The following UBA3 variants were observed in gnomAD, a reference collection of about 807,000 sequenced individuals.
The protein encoded by UBA3 is NEDD8-activating enzyme E1 catalytic subunit.
UBA3 carries 26 observed loss-of-function variants against 73.5 expected under a neutral mutation model. The ratio of observed to expected loss-of-function variants is 0.35; its 90% CI spans 0.26 to 0.49. The LOEUF (loss-of-function observed/expected upper bound fraction) is 0.49. Ranked by LOEUF, UBA3 falls within the 20% of genes least tolerant of loss-of-function variation. UBA3 has a pLI of 0.98. For missense variants in UBA3, 495 were observed against 555.6 expected (o/e 0.89, Z 1.10); for synonymous variants, 217 against 191.2 (o/e 1.13, Z -1.11).
At chr3:69,055,819 A>C in intron 17 of UBA3, 32 bp downstream of exon 17, 1 of 1,580,920 alleles carries the variant, frequency 6.3e-7, no homozygotes, top group Non-Finnish European at 8.6e-7. Flanking sequence ...AAAAGAAAGA[A>C]AATGATTAGT....
At chr3:69,067,605 T>C (rs2092084510) in intron 6 of UBA3, among the ~76,000 whole-genome samples, 1 of 152,288 alleles carries the variant, frequency 6.6e-6, no homozygotes, top group Non-Finnish European at 1.5e-5. Context: ...ATTAATTGGA[T>C]CCAGCCTAGG....
intron 11 of UBA3, among the ~76,000 whole-genome samples, chr3:69,057,924 C>CTTTTTTTTTT (rs368333207): frequency 1.4e-4 from 16 of 115,470 alleles, no homozygotes; most frequent in African/African-American, 3.7e-4. Context: ...CCACATTTTT[C>CTTTTTTTTTT]TTTTTTTTTT....
chr3:69,063,506 A>AG lies in UBA3; in HGVS notation c.473-4_473-3insC. On this transcript the variant is annotated splice_region_variant and splice_polypyrimidine_tract_variant and intron_variant, in intron 7 of 17. Coordinates refer to ENST00000361055, the MANE Select transcript of UBA3 (RefSeq NM_003968.4). ...TCCACATACAATAATATGAAATTCTACAAAAAAAAAAAAAAGCAACTTTAG... is the reference window on the plus strand; with the variant it reads ...TCCACATACAATAATATGAAATTCTAGCAAAAAAAAAAAAAAGCAACTTTAG... 6.6e-7 allele frequency: 1 copy of AG among 1,517,554 alleles called. No homozygotes were observed. The highest frequency in any genetic ancestry group is 1.3e-5 in the South Asian group (1 of 75,036). The allele number at this position is 1,517,554 out of a possible 1,614,324, so 94.0% of individuals were successfully genotyped here.
At chr3:69,078,701 G>A (rs2107503429) in intron 2 of UBA3, among the ~76,000 whole-genome samples, 1 of 152,232 alleles carries the variant, frequency 6.6e-6, no homozygotes, top group South Asian at 2.1e-4. Flanking sequence ...TGAAACTCCT[G>A]AGCTCAAGTA....
intron 5 of UBA3, among the ~76,000 whole-genome samples, 164 bp from the exon 6 acceptor site, chr3:69,068,172 C>T (rs2092089756): frequency 6.6e-6 from 1 of 152,142 alleles, no homozygotes; most frequent in Non-Finnish European, 1.5e-5. Flanking sequence ...TTTTGGTAAA[C>T]GGTCATTTAA....
chr3:69,063,006 G>A lies in UBA3; in HGVS notation c.669C>T (p.Cys223=), dbSNP rs910799401. The A allele has an allele frequency of 6.2e-7, 1 of 1,613,996 alleles. No individual in the cohort carries two copies. Among genetic ancestry groups the A allele is most frequent in the Non-Finnish European group, 8.5e-7 (1 of 1,179,960 alleles). ...ILPGMTACIE[C]TLELYPPQVN... ...CCTGTGGTGGATAAAGTTCCAGCGT[G>A]CATTCGATACAAGCAGTCATTCCAG... is the stretch of plus-strand genomic sequence containing the variant. Residue 223 remains cysteine (C), a synonymous_variant, in exon 9 of 18, where the codon TGC becomes TGT. Coordinates refer to ENST00000361055, the MANE Select transcript of UBA3 (RefSeq NM_003968.4).
intron 4 of UBA3, among the ~76,000 whole-genome samples, chr3:69,073,177 T>C (rs1472048432): frequency 6.6e-6 from 1 of 152,142 alleles, no homozygotes; most frequent in Non-Finnish European, 1.5e-5. Flanking sequence ...TGACTCAGAG[T>C]AAAAGCGACA....
At chr3:69,056,856 A>G in intron 12 of UBA3, 41 bp from the exon 13 acceptor site, 1 of 1,587,800 alleles carries the variant, frequency 6.3e-7, no homozygotes, top group South Asian at 1.2e-5. Context: ...ACTCAATGGA[A>G]ATTAGGCATG....
chr3:69,079,574 GATAA>G (rs2092200110), intron 2 of UBA3, among the ~76,000 whole-genome samples: 1 of 152,110 alleles, frequency 6.6e-6, no homozygotes, highest in Admixed American at 6.5e-5. Flanking sequence ...TAGTAAAAGG[GATAA>G]ATAGGCTGTT....
intron 11 of UBA3, among the ~76,000 whole-genome samples, chr3:69,057,941 T>TA (rs1553682421): frequency 1.5e-3 from 224 of 149,610 alleles, no homozygotes; most frequent in African/African-American, 5.3e-3. Context: ...TTTTTTTTTT[T>TA]TTGAGACAGA....
intron 11 of UBA3, among the ~76,000 whole-genome samples, chr3:69,059,903 T>C (rs1364744813): frequency 6.6e-6 from 1 of 152,150 alleles, no homozygotes; most frequent in Non-Finnish European, 1.5e-5. Flanking sequence ...GTAGCCTCAT[T>C]TGGCTACTAT....
chr3:69,063,061 C>T lies in UBA3; in HGVS notation c.614G>A (p.Gly205Asp), dbSNP rs749094335. 1 of 1,614,080 alleles carries T rather than the reference C, an allele frequency of 6.2e-7. No individual in the cohort carries two copies. Among genetic ancestry groups the T allele is most frequent in the Admixed American group, 1.7e-5 (1 of 60,012 alleles). Residue 205 changes from glycine (G) to aspartate (D), a missense_variant, in exon 9 of 18, where the codon GGT becomes GAT. By Grantham distance (94) the Gly-to-Asp change is moderately conservative. Transcript: ENST00000361055. Reference sequence around the variant, plus strand: ...AATCACCCGGGCATTTCCTTTAAAACCTTCTGTCCCCCCATCTATCAAAGG... The same window carrying T: ...AATCACCCGGGCATTTCCTTTAAAATCTTCTGTCCCCCCATCTATCAAAGG... ...IVPLIDGGTEGFKGNARVILP... is the reference protein window; with the variant it reads ...IVPLIDGGTEDFKGNARVILP...
In UBA3 at chr3:69,067,603, G is replaced by T. The variant is rs559325948; in HGVS notation, c.428+325C>A. Among the ~76,000 whole-genome samples, 11 of 152,196 alleles carry T rather than the reference G, an allele frequency of 7.2e-5. No homozygotes were observed. The South Asian group carries it at 2.3e-3, about 32-fold the overall frequency. On this transcript the variant is annotated intron_variant, in intron 6 of 17. Transcript: ENST00000361055. The stretch of plus-strand genomic sequence containing the variant: ...ACTATAAAGAAACAAAGATTAATTG[G>T]ATCCAGCCTAGGAATTTACACTCTA...
At chr3:69,073,095 T>G (rs1209919453) in intron 4 of UBA3, among the ~76,000 whole-genome samples, 1 of 152,214 alleles carries the variant, frequency 6.6e-6, no homozygotes, top group Non-Finnish European at 1.5e-5. Flanking sequence ...CTATTCTCAA[T>G]GCATCAGCCT....
intron 7 of UBA3, 34 bp downstream of exon 7, chr3:69,064,034 T>A (rs60502579): frequency 0.022 from 34,259 of 1,567,312 alleles, 401 homozygotes; most frequent in Non-Finnish European, 0.023. Flanking sequence ...ATTCTAAGAA[T>A]CTAGTGAGCA....
rs115935888 is a variant in UBA3 at position 69,069,776 on chromosome 3, C to T, written c.347+1759G>A. Among the ~76,000 whole-genome samples, 370 of 152,322 alleles carry T rather than the reference C, an allele frequency of 2.4e-3. 1 individual carries two copies. Among genetic ancestry groups the T allele is most frequent in the African/African-American group, 8.4e-3 (349 of 41,574 alleles). On this transcript the variant is annotated intron_variant, in intron 5 of 17. Coordinates refer to ENST00000361055, the MANE Select transcript of UBA3 (RefSeq NM_003968.4). Reference sequence around the variant, plus strand: ...CAGTATTGCATTCAATGGCTCCACACACAGAAAGCTCTTTTGGTTTGTAAA... The same window carrying T: ...CAGTATTGCATTCAATGGCTCCACATACAGAAAGCTCTTTTGGTTTGTAAA...
At chr3:69,072,318 A>G (rs1191471776) in intron 4 of UBA3, among the ~76,000 whole-genome samples, 8 of 152,236 alleles carry the variant, frequency 5.3e-5, no homozygotes, top group Non-Finnish European at 1.5e-5. Flanking sequence ...CGATGATCAA[A>G]TAACTTGACA....
chr3:69,056,545 T>C, intron 14 of UBA3, 67 bp downstream of exon 14: 1 of 1,391,316 alleles, frequency 7.2e-7, no homozygotes, highest in Non-Finnish European at 1.0e-6. Flanking sequence ...TTTGTTCAAA[T>C]TTCTAACCAA....
At chr3:69,065,318 TTCGC>T (rs2092060419) in intron 6 of UBA3, among the ~76,000 whole-genome samples, 1 of 151,842 alleles carries the variant, frequency 6.6e-6, no homozygotes, top group Non-Finnish European at 1.5e-5. Context: ...ATAATATAGA[TTCGC>T]AGTAAGTTGC....
Sources: gnomAD v4.1 joint callset for allele counts (sites outside exome capture counted in the v4.1 genomes callset) on GRCh38, gnomAD v4.1.1 for gene constraint, MANE v1.5 for transcripts, NCBI Gene and HGNC (gene_info 2026-07-23, HGNC 2026-07-21) for gene names.